The following ZNF514 variants were observed in gnomAD, a reference collection of about 807,000 sequenced individuals.
The protein encoded by ZNF514 is zinc finger protein 514.
A neutral mutation model predicts 9.7 loss-of-function variants in ZNF514; 12 were observed. The observed-to-expected ratio is 1.24, with a 90% CI of 0.79 to 2.01. The LOEUF (loss-of-function observed/expected upper bound fraction) is 2.01. Ranked by LOEUF, ZNF514 falls within the 30% of genes most tolerant of loss-of-function variation. The pLI is 0.00. For synonymous variants in ZNF514, 158 were observed against 163.7 expected, an observed-to-expected ratio of 0.97 and a Z score of 0.27; for missense variants, 467 against 465.5, an observed-to-expected ratio of 1.00 and a Z score of -0.03.
chr2:95,146,195 G>A lies in ZNF514; in HGVS notation c.*3087C>T, dbSNP rs755518797. 6.6e-6 allele frequency among the ~76,000 whole-genome samples: 1 copy of A among 152,098 alleles called. No homozygotes were observed. Among genetic ancestry groups the A allele is most frequent in the African/African-American group, 2.4e-5 (1 of 41,398 alleles). ...AATCTCTTAAAATATTTTACCATTT[G>A]ACTTTTTCCATTGTCATCTGGTTCA... On this transcript the variant is annotated 3_prime_UTR_variant, in exon 5 of 5. Transcript: ENST00000295208.
In ZNF514 at chr2:95,152,858, G is replaced by C. The variant is rs892839124; in HGVS notation, c.122-89C>G. ...ATCTTCAAGGTGGAGAAATACTGTA[G>C]GCATGGAAAGCCTCCAGAGAACAGG... On this transcript the variant is annotated intron_variant, in intron 3 of 4. Coordinates refer to ENST00000295208, the MANE Select transcript of ZNF514 (RefSeq NM_032788.3). The C allele has an allele frequency of 4.8e-6, 6 of 1,249,802 alleles. No homozygotes were observed. The African/African-American group carries it at 8.9e-5, about 18-fold the overall frequency. 77.4% of individuals were successfully genotyped at this position (1,249,802 alleles called of 1,614,324 possible). A position where few individuals can be genotyped will look rare whatever the true frequency, so the allele number is the denominator to read the frequency against.
chr2:95,158,716 G>T, intron 1 of ZNF514: 5 of 913,244 alleles, frequency 5.5e-6, no homozygotes, highest in Non-Finnish European at 7.2e-6. Context: ...TCTGGCCATT[G>T]GGACAATTTT....
Position 95,149,274 on chromosome 2 carries a change from C to G in ZNF514, c.*8G>C, listed in dbSNP as rs759034269. 2 of 1,555,278 alleles carry G rather than the reference C, an allele frequency of 1.3e-6. No individual in the cohort carries two copies. The highest frequency in any genetic ancestry group is 2.5e-5 in the South Asian group (2 of 79,338). ...CTCCAGCTGAAAGCCCTTCTATATT[C>G]ACTGAATTTATAGGGTTTTTTTTCC... On this transcript the variant is annotated 3_prime_UTR_variant, in exon 5 of 5. Coordinates refer to ENST00000295208, the MANE Select transcript of ZNF514 (RefSeq NM_032788.3).
the ZNF514 span, among the ~76,000 whole-genome samples, chr2:95,136,338 C>T: frequency 6.6e-6 from 1 of 151,790 alleles, no homozygotes; most frequent in Non-Finnish European, 1.5e-5. Flanking sequence ...CTCACTGCCT[C>T]CCAGGTTCAT....
intron 4 of ZNF514, 68 bp from the exon 5 acceptor site, chr2:95,150,335 CA>C (rs1452030247): frequency 1.4e-6 from 2 of 1,450,644 alleles, no homozygotes; most frequent in Non-Finnish European, 1.8e-6. Flanking sequence ...GCAAGAAAAG[CA>C]AGCTCCTATA....
At chr2:95,132,169 A>C in the ZNF514 span, among the ~76,000 whole-genome samples, 1 of 151,312 alleles carries the variant, frequency 6.6e-6, no homozygotes, top group Non-Finnish European at 1.5e-5. Flanking sequence ...AAAAAAAAAA[A>C]ACAGAGAGAG....
the ZNF514 span, among the ~76,000 whole-genome samples, chr2:95,133,012 TAA>T: frequency 6.6e-6 from 1 of 152,316 alleles, no homozygotes; most frequent in Admixed American, 6.5e-5. Flanking sequence ...GCTTTATTTG[TAA>T]TAGCCTTCAA....
downstream of ZNF514, among the ~76,000 whole-genome samples, chr2:95,140,617 A>AT (rs1676812338): frequency 9.9e-5 from 15 of 151,808 alleles, no homozygotes; most frequent in Admixed American, 7.9e-4. Flanking sequence ...CATCTTGAAA[A>AT]AATATATATA....
chr2:95,144,445 C>T (rs1245337530), downstream of ZNF514, among the ~76,000 whole-genome samples: 1 of 152,102 alleles, frequency 6.6e-6, no homozygotes, highest in Non-Finnish European at 1.5e-5. Flanking sequence ...TTTAATAAAA[C>T]CCCAATAAAA....
At chr2:95,157,648 G>A (rs1490664369) in intron 1 of ZNF514, among the ~76,000 whole-genome samples, 1 of 152,156 alleles carries the variant, frequency 6.6e-6, no homozygotes, top group African/African-American at 2.4e-5. Context: ...GCTCCCACCT[G>A]TCCACAGCCC....
rs1007770518 is a variant in ZNF514 at position 95,158,991 on chromosome 2, G to T, written c.-96+249C>A. 7 of 1,283,668 alleles carry T rather than the reference G, an allele frequency of 5.5e-6. No homozygotes were observed. The South Asian group carries it at 7.4e-5, about 14-fold the overall frequency. The allele number at this position is 1,283,668 out of a possible 1,614,324, so 79.5% of individuals were successfully genotyped here. On this transcript the variant is annotated intron_variant, in intron 1 of 4. Coordinates refer to ENST00000295208, the MANE Select transcript of ZNF514 (RefSeq NM_032788.3). ...TGATGCTGTGGAGTCCATAGCTGGG[G>T]CTAAGGAGCGGCGTCCTTTCACTAG... is the stretch of plus-strand genomic sequence containing the variant.
chr2:95,155,715 C>T (rs1282413911), intron 2 of ZNF514: 1 of 152,096 alleles, frequency 6.6e-6, no homozygotes, highest in Non-Finnish European at 1.5e-5. Context: ...TAATCCCTGC[C>T]CTTCCCTTTA....
At chr2:95,128,890 G>A in the ZNF514 span, among the ~76,000 whole-genome samples, 1 of 152,206 alleles carries the variant, frequency 6.6e-6, no homozygotes, top group African/African-American at 2.4e-5. Context: ...CAACTGTAGT[G>A]AAAGAAGGAT....
chr2:95,142,122 C>A (rs538886194), downstream of ZNF514, among the ~76,000 whole-genome samples: 2 of 152,300 alleles, frequency 1.3e-5, no homozygotes, highest in South Asian at 2.1e-4. Flanking sequence ...AGAACATGCT[C>A]ATTCTAATGC....
chr2:95,133,671 G>A, the ZNF514 span, among the ~76,000 whole-genome samples: 1 of 152,298 alleles, frequency 6.6e-6, no homozygotes, highest in South Asian at 2.1e-4. Context: ...AGGCAATACA[G>A]TATAACAACT....
At chr2:95,144,909 CCACA>C (rs148957998), downstream of ZNF514, among the ~76,000 whole-genome samples, 2 of 150,612 alleles carry the variant, frequency 1.3e-5, no homozygotes, top group Non-Finnish European at 3.0e-5. Flanking sequence ...TTCTATGTAA[CCACA>C]CACACACACA....
At chr2:95,139,520 T>C in the ZNF514 span, among the ~76,000 whole-genome samples, 26 of 152,372 alleles carry the variant, frequency 1.7e-4, no homozygotes, top group Admixed American at 1.2e-3. Context: ...AGCCCCTTTC[T>C]TTTGGCCATT....
chr2:95,127,575 GTTT>G, the ZNF514 span, among the ~76,000 whole-genome samples: 8 of 151,680 alleles, frequency 5.3e-5, no homozygotes, highest in East Asian at 1.6e-3. Context: ...TTTTGTTTTT[GTTT>G]TTGTTTTTTT....
chr2:95,156,902 C>CA (rs1673701891), intron 2 of ZNF514, among the ~76,000 whole-genome samples: 1 of 152,278 alleles, frequency 6.6e-6, no homozygotes, highest in South Asian at 2.1e-4. Context: ...TGCTTGTCCC[C>CA]AATTCTCCAT....
Sources: allele counts gnomAD v4.1 joint callset (sites outside exome capture counted in the v4.1 genomes callset), GRCh38; gene constraint gnomAD v4.1.1; transcripts MANE v1.5; gene names NCBI Gene and HGNC (gene_info 2026-07-23, HGNC 2026-07-21).